Variants in COL5A2 observed in about 807,000 individuals in gnomAD.
COL5A2 encodes the protein collagen type V alpha 2 chain, also known as collagen alpha-2(V) chain.
Under a neutral mutation model 208.2 loss-of-function variants are expected in COL5A2, and 23 were observed. The observed-to-expected ratio is 0.11, with a 90% CI of 0.08 to 0.16. The LOEUF (loss-of-function observed/expected upper bound fraction) is 0.16. Among genes scored for constraint, COL5A2 ranks in the 10% least tolerant of loss-of-function variants. The probability of loss-of-function intolerance (pLI) is 1.00; values close to 1 mark genes in which losing one functional copy is unlikely to be tolerated. For synonymous variants in COL5A2, 625 were observed against 628.5 expected (o/e 0.99, Z 0.08); for missense variants, 1,590 against 1,956.4 (o/e 0.81, Z 3.53).
the COL5A2 span, among the ~76,000 whole-genome samples, chr2:189,355,513 T>C: frequency 5.3e-5 from 2 of 37,806 alleles, no homozygotes; most frequent in East Asian, 5.2e-4. Context: ...CTTGTTGAAT[T>C]GATCCTTTAC....
At chr2:189,385,643 CG>C in the COL5A2 span, among the ~76,000 whole-genome samples, 2 of 150,728 alleles carry the variant, frequency 1.3e-5, no homozygotes, top group Admixed American at 6.6e-5. Context: ...CATACAGAAT[CG>C]AAAAAAAAAC....
intron 30 of COL5A2, 38 bp from the exon 31 acceptor site, chr2:189,060,821 G>A (rs1431191890): frequency 1.3e-6 from 2 of 1,526,124 alleles, no homozygotes; most frequent in Non-Finnish European, 1.8e-6. Flanking sequence ...GTGAATCTGT[G>A]TAAGTTTAAC....
chr2:189,114,875 A>T (rs1334181667), intron 1 of COL5A2, among the ~76,000 whole-genome samples: 1 of 151,948 alleles, frequency 6.6e-6, no homozygotes, highest in African/African-American at 2.4e-5. Context: ...AATAAAATTT[A>T]AATTTAAAAA....
At chr2:189,334,088 C>A in the COL5A2 span, among the ~76,000 whole-genome samples, 1 of 151,804 alleles carries the variant, frequency 6.6e-6, no homozygotes, top group African/African-American at 2.4e-5. Context: ...ATTCAAAATT[C>A]TTAGCAAATT....
chr2:189,041,071 C>A (rs924946645), intron 50 of COL5A2, among the ~76,000 whole-genome samples: 1 of 152,176 alleles, frequency 6.6e-6, no homozygotes, highest in Non-Finnish European at 1.5e-5. Flanking sequence ...AGATGTTTCC[C>A]AGACCTGAGA....
At chr2:189,056,767 A>G (rs2105573525) in intron 35 of COL5A2, 1 of 617,888 alleles carries the variant, frequency 1.6e-6, no homozygotes, top group South Asian at 1.9e-5. Context: ...CACAATAAAT[A>G]TGTTTTTATT....
chr2:189,407,737 T>C, the COL5A2 span, among the ~76,000 whole-genome samples: 1 of 152,152 alleles, frequency 6.6e-6, no homozygotes, highest in African/African-American at 2.4e-5. Flanking sequence ...AACAAATAAA[T>C]TAACTTGCAG....
At chr2:189,120,223 G>A (rs1043110049) in intron 1 of COL5A2, among the ~76,000 whole-genome samples, 1 of 152,086 alleles carries the variant, frequency 6.6e-6, no homozygotes, top group Non-Finnish European at 1.5e-5. Flanking sequence ...AGCTGCAAAA[G>A]ATAATGAATT....
At chr2:189,319,563 C>T in the COL5A2 span, among the ~76,000 whole-genome samples, 37 of 152,264 alleles carry the variant, frequency 2.4e-4, no homozygotes, top group Non-Finnish European at 4.1e-4. Context: ...GAGCCTTGCT[C>T]ATTGCTAGCA....
At chr2:189,284,993 T>C in the COL5A2 span, among the ~76,000 whole-genome samples, 1 of 151,816 alleles carries the variant, frequency 6.6e-6, no homozygotes, top group African/African-American at 2.4e-5. Flanking sequence ...GTTTATTTTA[T>C]GAATTCCCTT....
chr2:189,359,289 T>C, the COL5A2 span, among the ~76,000 whole-genome samples: 1 of 152,212 alleles, frequency 6.6e-6, no homozygotes, highest in Non-Finnish European at 1.5e-5. Flanking sequence ...TAAGCAGATG[T>C]TGAATTTTGT....
chr2:189,182,355 C>A (rs1688792422), upstream of COL5A2, among the ~76,000 whole-genome samples: 1 of 152,170 alleles, frequency 6.6e-6, no homozygotes, highest in Non-Finnish European at 1.5e-5. Context: ...TTTCTCAAAT[C>A]ATATATAGGC....
At chr2:189,146,672 T>C (rs1688045948) in intron 1 of COL5A2, among the ~76,000 whole-genome samples, 1 of 152,098 alleles carries the variant, frequency 6.6e-6, no homozygotes, top group Non-Finnish European at 1.5e-5. Context: ...AAAGAAATAG[T>C]TTAAAATAAA....
At chr2:189,284,542 G>T in the COL5A2 span, among the ~76,000 whole-genome samples, 34 of 152,004 alleles carry the variant, frequency 2.2e-4, no homozygotes, top group Non-Finnish European at 3.8e-4. Flanking sequence ...TCCATCACAA[G>T]AACAGCAAGG....
intron 1 of COL5A2, among the ~76,000 whole-genome samples, chr2:189,161,742 G>T (rs1688368656): frequency 6.6e-6 from 1 of 152,040 alleles, no homozygotes; most frequent in Non-Finnish European, 1.5e-5. Context: ...TTTGAGAGAT[G>T]GTCTTTACCC....
At chr2:189,406,084 TC>T in the COL5A2 span, among the ~76,000 whole-genome samples, 1 of 152,336 alleles carries the variant, frequency 6.6e-6, no homozygotes, top group African/African-American at 2.4e-5. Flanking sequence ...ATTAATTTTC[TC>T]ATTTCCAAAT....
Position 189,057,356 on chromosome 2 carries a change from T to G in COL5A2, c.2301A>C (p.Arg767Ser). The G allele has an allele frequency of 6.2e-7, 1 of 1,601,424 alleles. No individual in the cohort carries two copies. Among genetic ancestry groups the G allele is most frequent in the Non-Finnish European group, 8.5e-7 (1 of 1,173,024 alleles). The change falls in exon 34 of 54, where the codon AGA becomes AGC. Residue 767 changes from arginine to serine, a missense_variant. Arg to Ser is a moderately radical substitution (Grantham distance 110, BLOSUM62 -1). Coordinates refer to ENST00000374866, the MANE Select transcript of COL5A2 (RefSeq NM_000393.5). ...PPGLQGMPGERGIAGTPGPKG... is the reference protein window; with the variant it reads ...PPGLQGMPGESGIAGTPGPKG... ...TGGGGCCAGGAGTTCCTGCAATTCC[T>G]CTTTCTCCCGGCATACCTTGAAGAC...
chr2:189,046,924 C>A (rs1180784931), intron 45 of COL5A2, among the ~76,000 whole-genome samples: 1 of 151,896 alleles, frequency 6.6e-6, no homozygotes, highest in Non-Finnish European at 1.5e-5. Flanking sequence ...GAGATCGAGA[C>A]CATCCTGGCC....
At position 189,035,022 on chromosome 2, in the gene COL5A2, G is replaced by C; in HGVS notation, c.4247C>G (p.Ala1416Gly). 6.2e-7 allele frequency: 1 copy of C among 1,613,814 alleles called. No individual in the cohort carries two copies. The highest frequency in any genetic ancestry group is 8.5e-7 in the Non-Finnish European group (1 of 1,179,868). Reference sequence around the variant, plus strand: ...AACCACAGCTTTTTTGAGGTTCTTAGCTTGATCGTCCATGTATCCTACACT... The same window carrying C: ...AACCACAGCTTTTTTGAGGTTCTTACCTTGATCGTCCATGTATCCTACACT... ...KNSVGYMDDQ[A>G]KNLKKAVVLK... Residue 1416 changes from alanine (A) to glycine (G), a missense_variant, in exon 53 of 54, where the codon GCT (alanine) becomes GGT (glycine). Physicochemically the swap from Ala to Gly is moderately conservative, Grantham distance 60. Coordinates refer to ENST00000374866, the MANE Select transcript of COL5A2 (RefSeq NM_000393.5).
Sources: gnomAD v4.1 joint callset for allele counts (sites outside exome capture counted in the v4.1 genomes callset) on GRCh38, gnomAD v4.1.1 for gene constraint, MANE v1.5 for transcripts, NCBI Gene and HGNC (gene_info 2026-07-23, HGNC 2026-07-21) for gene names.